QTMAN: variants seen among roughly 807,000 people sequenced by gnomAD.
QTMAN encodes the protein queuosine-tRNA mannosyltransferase.
chr2:144,048,920 A>G, the QTMAN span, among the ~76,000 whole-genome samples: 6 of 152,204 alleles, frequency 3.9e-5, no homozygotes, highest in Non-Finnish European at 7.3e-5. Flanking sequence ...GAGGTAGCTA[A>G]ATCTTCAGAA....
the QTMAN span, among the ~76,000 whole-genome samples, chr2:144,247,844 ATTTTTTG>A: frequency 2.6e-5 from 4 of 151,966 alleles, no homozygotes; most frequent in African/African-American, 9.7e-5. Flanking sequence ...CACCTGACTA[ATTTTTTG>A]TTTTTTGTTT....
At chr2:143,982,947 C>T in the QTMAN span, among the ~76,000 whole-genome samples, 1 of 148,688 alleles carries the variant, frequency 6.7e-6, no homozygotes, top group South Asian at 2.1e-4. Flanking sequence ...ATCATTTTAA[C>T]AAAATTGGCT....
At chr2:144,114,638 T>A in the QTMAN span, among the ~76,000 whole-genome samples, 2 of 152,140 alleles carry the variant, frequency 1.3e-5, no homozygotes, top group Non-Finnish European at 2.9e-5. Context: ...AATACAAAAT[T>A]TGAGTTTTAT....
At chr2:144,188,669 C>T in the QTMAN span, among the ~76,000 whole-genome samples, 1 of 152,064 alleles carries the variant, frequency 6.6e-6, no homozygotes, top group South Asian at 2.1e-4. Flanking sequence ...TATATCTTGT[C>T]TCTGTCGCAC....
chr2:144,310,371 A>G, the QTMAN span, among the ~76,000 whole-genome samples: 1 of 152,264 alleles, frequency 6.6e-6, no homozygotes, highest in Admixed American at 6.5e-5. Flanking sequence ...GGGCAATATC[A>G]TATACAGCCT....
At chr2:144,004,969 G>A in the QTMAN span, among the ~76,000 whole-genome samples, 7 of 151,988 alleles carry the variant, frequency 4.6e-5, no homozygotes, top group Non-Finnish European at 1.0e-4. Flanking sequence ...TCATCTCCAG[G>A]CTAGCAGTGA....
the QTMAN span, among the ~76,000 whole-genome samples, chr2:144,290,021 C>T: frequency 2.6e-5 from 4 of 152,200 alleles, no homozygotes; most frequent in African/African-American, 9.6e-5. Context: ...CAATCAAAGA[C>T]AGCCAACTGT....
At chr2:144,077,669 G>A in the QTMAN span, among the ~76,000 whole-genome samples, 9 of 152,126 alleles carry the variant, frequency 5.9e-5, no homozygotes, top group Admixed American at 4.6e-4. Context: ...ATATGTATGT[G>A]CCTGTGTGTT....
the QTMAN span, among the ~76,000 whole-genome samples, chr2:144,331,498 T>C: frequency 1.3e-5 from 2 of 151,838 alleles, no homozygotes; most frequent in Non-Finnish European, 2.9e-5. Context: ...ACTCACGTTT[T>C]CCATTTCAAA....
the QTMAN span, chr2:144,178,334 A>G: frequency 6.6e-6 from 1 of 152,044 alleles, no homozygotes; most frequent in African/African-American, 2.4e-5. Flanking sequence ...ATAAGCAATC[A>G]GTGAGGCACT....
At chr2:144,013,000 C>G in the QTMAN span, among the ~76,000 whole-genome samples, 1 of 152,008 alleles carries the variant, frequency 6.6e-6, no homozygotes, top group Non-Finnish European at 1.5e-5. Context: ...AGAGCCACAG[C>G]GTTGTATCCC....
the QTMAN span, among the ~76,000 whole-genome samples, chr2:144,128,903 T>C: frequency 2.0e-5 from 3 of 151,814 alleles, no homozygotes; most frequent in African/African-American, 7.3e-5. Context: ...TTTCAAAAAC[T>C]TATGAATTGT....
chr2:144,019,964 A>C, the QTMAN span, among the ~76,000 whole-genome samples: 1 of 152,298 alleles, frequency 6.6e-6, no homozygotes, highest in East Asian at 1.9e-4. Flanking sequence ...CCAGTCAACA[A>C]GCGCTGTCTC....
chr2:144,003,541 T>C, the QTMAN span, among the ~76,000 whole-genome samples: 1 of 151,886 alleles, frequency 6.6e-6, no homozygotes, highest in African/African-American at 2.4e-5. Flanking sequence ...AAAGACTGGG[T>C]AGAAAGGAGA....
the QTMAN span, among the ~76,000 whole-genome samples, chr2:144,205,790 T>G: frequency 4.6e-5 from 7 of 152,216 alleles, no homozygotes; most frequent in Non-Finnish European, 1.0e-4. Context: ...AAAGTAGAAA[T>G]GCTTCATCCT....
At chr2:144,240,392 A>C in the QTMAN span, among the ~76,000 whole-genome samples, 166 of 152,194 alleles carry the variant, frequency 1.1e-3, 1 homozygote, top group Admixed American at 2.6e-3. Flanking sequence ...AGAAAAAATG[A>C]CTCCTTTATC....
chr2:144,329,094 T>C, the QTMAN span, among the ~76,000 whole-genome samples: 1 of 151,928 alleles, frequency 6.6e-6, no homozygotes, highest in Admixed American at 6.6e-5. Context: ...ACAAAAAATA[T>C]TACCTAGGCA....
the QTMAN span, among the ~76,000 whole-genome samples, chr2:144,009,983 T>C: frequency 6.6e-6 from 1 of 151,612 alleles, no homozygotes; most frequent in African/African-American, 2.4e-5. Flanking sequence ...AACCTATTTG[T>C]TTATGTCAGA....
At chr2:144,295,361 A>G in the QTMAN span, 2 of 152,184 alleles carry the variant, frequency 1.3e-5, no homozygotes, top group African/African-American at 4.8e-5. Context: ...TATTTTCACT[A>G]ACCACTGTAT....
Sources: allele counts gnomAD v4.1 joint callset (sites outside exome capture counted in the v4.1 genomes callset), GRCh38; gene constraint gnomAD v4.1.1; transcripts MANE v1.5; gene names NCBI Gene and HGNC (gene_info 2026-07-23, HGNC 2026-07-21).